The following FAT3 variants were observed in gnomAD, a reference collection of about 807,000 sequenced individuals.
The protein encoded by FAT3 is FAT atypical cadherin 3.
In FAT3, 95 loss-of-function variants were observed where a neutral mutation model predicts 310.2. That is an observed-to-expected ratio of 0.31 (90% CI 0.26 to 0.36). The LOEUF is 0.36. FAT3 is among the 10% of genes least tolerant of loss of function. FAT3 has a pLI of 1.00. For synonymous variants in FAT3, 2,314 were observed against 2,192.9 expected (o/e 1.06, Z -1.54); for missense variants, 5,408 against 5,715.6 (o/e 0.95, Z 1.74).
rs1442427337 is a variant in FAT3, at chr11:92,837,738, A to G, written c.10300A>G (p.Ile3434Val). 8 of 1,613,874 alleles carry G rather than the reference A, an allele frequency of 5.0e-6. No homozygotes were observed. The African/African-American group carries it at 9.3e-5, about 19-fold the overall frequency. Reference sequence around the variant, plus strand: ...AATGTCATCAACTGCAACTGTCAACATTGATATTTCTGATGTGAATGACAA... The same window carrying G: ...AATGTCATCAACTGCAACTGTCAACGTTGATATTTCTGATGTGAATGACAA... ...PAMSSTATVN[I>V]DISDVNDNSP... The change falls in exon 17 of 28, where the codon ATT (isoleucine) becomes GTT (valine). Residue 3434 changes from isoleucine (I) to valine (V), a missense_variant. Around this residue, in one of 5 missense-constraint regions of FAT3, gnomAD observed 4,588 missense variants for 4,809.8 expected, o/e 0.95. Coordinates refer to ENST00000525166, the MANE Select transcript of FAT3 (RefSeq NM_001367949.2).
At chr11:92,700,904 CT>C (rs1304786128) in intron 4 of FAT3, among the ~76,000 whole-genome samples, 3 of 151,914 alleles carry the variant, frequency 2.0e-5, no homozygotes, top group Non-Finnish European at 4.4e-5. Context: ...TTGAACATTT[CT>C]TTTTTTTCCC....
Position 92,353,303 on chromosome 11 carries a change from A to G in FAT3, c.1191A>G (p.Ile397Met), listed in dbSNP as rs766163562. The G allele has an allele frequency of 5.6e-6, 9 of 1,613,576 alleles. No homozygotes were observed. Among genetic ancestry groups the G allele is most frequent in the African/African-American group, 1.3e-5 (1 of 74,926 alleles). ...EFSPPGVVVAIVKLSPEPIDV... is the reference protein window; with the variant it reads ...EFSPPGVVVAMVKLSPEPIDV... Reference sequence around the variant, plus strand: ...CCCCTCCTGGTGTCGTGGTTGCTATAGTAAAATTAAGTCCTGAACCGATAG... The same window carrying G: ...CCCCTCCTGGTGTCGTGGTTGCTATGGTAAAATTAAGTCCTGAACCGATAG... Residue 397 changes from isoleucine to methionine, a missense_variant, in exon 2 of 28, where the codon ATA (isoleucine) becomes ATG (methionine). By Grantham distance (10) the Ile-to-Met change is conservative. Around this residue, in one of 5 missense-constraint regions of FAT3, gnomAD observed 4,588 missense variants for 4,809.8 expected, o/e 0.95. Coordinates refer to ENST00000525166, the MANE Select transcript of FAT3 (RefSeq NM_001367949.2).
intron 1 of FAT3, among the ~76,000 whole-genome samples, chr11:92,346,130 A>G (rs1565242563): frequency 6.6e-6 from 1 of 152,192 alleles, no homozygotes; most frequent in Non-Finnish European, 1.5e-5. Flanking sequence ...ATTCCCAAGT[A>G]TGTCATACGA....
chr11:92,263,637 G>C (rs35622830), intron 1 of FAT3, among the ~76,000 whole-genome samples: 1 of 127,978 alleles, frequency 7.8e-6, no homozygotes, highest in Non-Finnish European at 1.7e-5. Flanking sequence ...GTGTGTGTGT[G>C]TATATATATA....
At chr11:92,655,754 G>A (rs752697317) in intron 3 of FAT3, among the ~76,000 whole-genome samples, 5 of 152,078 alleles carry the variant, frequency 3.3e-5, no homozygotes, top group Non-Finnish European at 5.9e-5. Flanking sequence ...GCTATTCAAC[G>A]TTCCTTTATT....
chr11:92,880,784 A>G lies in FAT3; in HGVS notation c.12181A>G (p.Ile4061Val), dbSNP rs772595279. The change falls in exon 23 of 28, where the codon ATT becomes GTT. Residue 4061 changes from isoleucine (I) to valine (V), a missense_variant. Physicochemically the swap from Ile to Val is conservative, Grantham distance 29. This residue lies in a region of FAT3 where 14 missense variants were observed against 34.4 expected (regional missense o/e 0.41). Coordinates refer to ENST00000525166, the MANE Select transcript of FAT3 (RefSeq NM_001367949.2). Reference protein sequence around the residue: ...QFTGRNCESEITACFPNPCRN... With the variant: ...QFTGRNCESEVTACFPNPCRN... ...TACGGGGAGAAACTGTGAATCTGAG[A>G]TTACAGCCTGCTTCCCAAACCCCTG... 2 of 1,613,960 alleles carry G rather than the reference A, an allele frequency of 1.2e-6. No individual in the cohort carries two copies. The highest frequency in any genetic ancestry group is 4.5e-5 in the East Asian group (2 of 44,872).
At position 92,430,756 on chromosome 11, in the gene FAT3, C is replaced by T. The variant is rs546053867; in HGVS notation, c.3292+75352C>T. ...ATTCCCACCTATGAGTGAGAACATG[C>T]GATGTTTGGTTTTTTGTCCTTGCAA... On this transcript the variant is annotated intron_variant, in intron 2 of 27. Coordinates refer to ENST00000525166, the MANE Select transcript of FAT3 (RefSeq NM_001367949.2). Among the ~76,000 whole-genome samples, 18 of 82,176 alleles carry T rather than the reference C, an allele frequency of 2.2e-4. No individual in the cohort carries two copies. In the East Asian group the frequency reaches 5.3e-3, roughly 24 times the overall value. The allele number at this position is 82,176 out of a possible 152,430, so 53.9% of individuals were successfully genotyped here. A position where few individuals can be genotyped will look rare whatever the true frequency, so the allele number is the denominator to read the frequency against.
chr11:92,284,708 C>A (rs116082706), intron 1 of FAT3, among the ~76,000 whole-genome samples: 2,020 of 152,196 alleles, frequency 0.013, 48 homozygotes, highest in African/African-American at 0.045. Flanking sequence ...CTTTGTCGCT[C>A]TTGACCCTAG....
intron 4 of FAT3, among the ~76,000 whole-genome samples, chr11:92,729,459 C>T (rs1212662248): frequency 6.8e-6 from 1 of 146,718 alleles, no homozygotes; most frequent in Non-Finnish European, 1.5e-5. Flanking sequence ...TGGAGTCTCG[C>T]TCTGTCACCC....
In FAT3 at chr11:92,353,903, C is replaced by T. The variant is rs1333776121; in HGVS notation, c.1791C>T (p.Ile597=). The part of the protein sequence containing the change: ...ISYDFPVGGH[I]TAVSAIDIDE... ...ATGACTTTCCAGTTGGTGGTCACAT[C>T]ACAGCAGTCTCAGCGATCGATATCG... The change falls in exon 2 of 28, where the codon ATC becomes ATT. Residue 597 remains isoleucine, a synonymous_variant. Coordinates refer to ENST00000525166, the MANE Select transcript of FAT3 (RefSeq NM_001367949.2). The T allele has an allele frequency of 6.2e-7, 1 of 1,612,696 alleles. No homozygotes were observed. Among genetic ancestry groups the T allele is most frequent in the African/African-American group, 1.3e-5 (1 of 74,898 alleles).
intron 2 of FAT3, among the ~76,000 whole-genome samples, chr11:92,486,130 GTTTTTTTTTTTTTTTT>G (rs71064714): frequency 5.4e-5 from 2 of 37,126 alleles, no homozygotes; most frequent in Non-Finnish European, 9.6e-5. Context: ...GGCTGCTGGG[GTTTTTTTTTTTTTTTT>G]TTTTTTTTTT....
chr11:92,844,120 A>C lies in FAT3; in HGVS notation c.10753A>C (p.Thr3585Pro). 2 of 1,614,046 alleles carry C rather than the reference A, an allele frequency of 1.2e-6. No individual in the cohort carries two copies. Among genetic ancestry groups the C allele is most frequent in the Non-Finnish European group, 1.7e-6 (2 of 1,179,902 alleles). ...AGATCAAGACATGTATGATGTGCTC[A>C]CATTTGCCCTGAAATCGGAGCAGAA... ...ATDQDMYDVLTFALKSEQKSL... is the reference protein window; with the variant it reads ...ATDQDMYDVLPFALKSEQKSL... Residue 3585 changes from threonine to proline, a missense_variant, in exon 19 of 28, where the codon ACA (threonine) becomes CCA (proline). Transcript: ENST00000525166.
intron 15 of FAT3, among the ~76,000 whole-genome samples, chr11:92,835,880 C>A (rs866740171): frequency 6.6e-6 from 1 of 152,156 alleles, no homozygotes; most frequent in Non-Finnish European, 1.5e-5. Flanking sequence ...TTCTGTTAGA[C>A]CGCAAATTAC....
intron 2 of FAT3, among the ~76,000 whole-genome samples, chr11:92,466,813 A>G (rs1951774466): frequency 1.4e-5 from 2 of 139,534 alleles, no homozygotes; most frequent in South Asian, 2.3e-4. Context: ...ATTCCCACCT[A>G]TGAGTGAGAA....
At chr11:92,878,618 G>A (rs1421376800) in intron 22 of FAT3, among the ~76,000 whole-genome samples, 1 of 103,394 alleles carries the variant, frequency 9.7e-6, no homozygotes, top group East Asian at 3.1e-4. Context: ...CAACACAGGA[G>A]CAGGATGTTA....
chr11:92,263,531 G>A (rs973372380), intron 1 of FAT3, among the ~76,000 whole-genome samples: 8 of 151,878 alleles, frequency 5.3e-5, no homozygotes, highest in Admixed American at 5.3e-4. Context: ...CTGATGTGAA[G>A]ATTACAGGAG....
At position 92,798,678 on chromosome 11, in the gene FAT3, G is replaced by C. The variant is rs2136179839; in HGVS notation, c.5665G>C (p.Glu1889Gln). 1 of 1,613,770 alleles carries C rather than the reference G, an allele frequency of 6.2e-7. No homozygotes were observed. Among genetic ancestry groups the C allele is most frequent in the Non-Finnish European group, 8.5e-7 (1 of 1,179,826 alleles). Residue 1889 changes from glutamate to glutamine, a missense_variant, in exon 10 of 28, where the codon GAG becomes CAG. Glu to Gln is a conservative substitution (Grantham distance 29). Transcript: ENST00000525166. ...NPPVFTQAVF[E>Q]TILLLPTYVG... ...ACCTGTTTTTACTCAGGCTGTGTTTGAGACTATCTTACTTCTACCTACCTA... is the reference window on the plus strand; with the variant it reads ...ACCTGTTTTTACTCAGGCTGTGTTTCAGACTATCTTACTTCTACCTACCTA...
intron 13 of FAT3, among the ~76,000 whole-genome samples, chr11:92,817,015 AAG>A (rs1947842032): frequency 6.6e-6 from 1 of 152,018 alleles, no homozygotes; most frequent in Non-Finnish European, 1.5e-5. Flanking sequence ...AGTAAAAGGA[AAG>A]AGAGGCAGAA....
At chr11:92,489,721 T>C (rs1952545500) in intron 2 of FAT3, among the ~76,000 whole-genome samples, 1 of 152,066 alleles carries the variant, frequency 6.6e-6, no homozygotes, top group Non-Finnish European at 1.5e-5. Context: ...TTAGTTCCTC[T>C]CTGAGATGAA....
Sources: allele counts gnomAD v4.1 joint callset (sites outside exome capture counted in the v4.1 genomes callset), GRCh38; gene constraint gnomAD v4.1.1; regional missense constraint gnomAD v4.1.1; transcripts MANE v1.5; gene names NCBI Gene and HGNC (gene_info 2026-07-23, HGNC 2026-07-21).